The following HOMER2 variants were observed in gnomAD, a reference collection of about 807,000 sequenced individuals.
HOMER2 encodes homer protein homolog 2.
Under a neutral mutation model 47.0 loss-of-function variants are expected in HOMER2, and 27 were observed. That is an observed-to-expected ratio of 0.57 (90% CI 0.42 to 0.79). The LOEUF (loss-of-function observed/expected upper bound fraction) is 0.79, where lower values mean the gene tolerates loss of function less well. Among genes scored for constraint, HOMER2 ranks in the 30% least tolerant of loss-of-function variants. The probability of loss-of-function intolerance (pLI) is 0.00; values close to 1 mark genes in which losing one functional copy is unlikely to be tolerated. For synonymous variants in HOMER2, 161 were observed against 163.8 expected, an observed-to-expected ratio of 0.98 and a Z score of 0.13; for missense variants, 443 against 435.0, an observed-to-expected ratio of 1.02 and a Z score of -0.16.
intron 1 of HOMER2, among the ~76,000 whole-genome samples, chr15:82,936,302 C>T (rs1478758097): frequency 1.3e-5 from 2 of 152,178 alleles, no homozygotes; most frequent in Non-Finnish European, 2.9e-5. Context: ...CCCTCTGGCA[C>T]TAAGCACAAC....
At chr15:82,940,991 G>A (rs1474126600) in intron 1 of HOMER2, among the ~76,000 whole-genome samples, 2 of 152,050 alleles carry the variant, frequency 1.3e-5, no homozygotes, top group Non-Finnish European at 2.9e-5. Context: ...CCTAGAAGCT[G>A]CCTCAGATCC....
chr15:82,910,041 G>A (rs180949425), intron 1 of HOMER2, among the ~76,000 whole-genome samples: 7 of 145,562 alleles, frequency 4.8e-5, no homozygotes, highest in South Asian at 4.4e-4. Flanking sequence ...GCTGAGGCAG[G>A]AGAATCGCTT....
At chr15:82,902,719 T>G (rs979091377) in intron 1 of HOMER2, among the ~76,000 whole-genome samples, 1 of 152,180 alleles carries the variant, frequency 6.6e-6, no homozygotes, top group Non-Finnish European at 1.5e-5. Context: ...GGGTATGACT[T>G]GGAAACATTA....
chr15:82,850,573 T>C (rs1045217463), intron 8 of HOMER2, among the ~76,000 whole-genome samples: 3 of 152,328 alleles, frequency 2.0e-5, no homozygotes, highest in Admixed American at 2.0e-4. Context: ...TCATATCAAA[T>C]AAGAGCTTTA....
At chr15:82,871,519 G>C (rs188512817) in intron 3 of HOMER2, among the ~76,000 whole-genome samples, 11 of 152,304 alleles carry the variant, frequency 7.2e-5, no homozygotes, top group Admixed American at 4.6e-4. Context: ...CTCACTTCAT[G>C]ATAATTTATC....
upstream of HOMER2, chr15:82,986,062 A>C: frequency 1.0e-6 from 1 of 985,548 alleles, no homozygotes; most frequent in Non-Finnish European, 1.2e-6. Flanking sequence ...CCACCTTTAG[A>C]CAGCTACTTG....
intron 1 of HOMER2, chr15:82,952,027 T>TTCCA: frequency 2.0e-6 from 2 of 983,920 alleles, no homozygotes. Context: ...CCTTATAGAC[T>TTCCA]TCCATCATCT....
intron 1 of HOMER2, among the ~76,000 whole-genome samples, chr15:82,948,973 G>C (rs914923790): frequency 3.9e-5 from 6 of 152,342 alleles, no homozygotes; most frequent in Non-Finnish European, 8.8e-5. Flanking sequence ...GGCTAGAGTG[G>C]GAACTATGGC....
chr15:82,850,147 C>A (rs553378897), intron 8 of HOMER2, among the ~76,000 whole-genome samples: 1 of 152,352 alleles, frequency 6.6e-6, no homozygotes, highest in South Asian at 2.1e-4. Flanking sequence ...CAACACCCAG[C>A]CTGAAAACCC....
chr15:82,891,629 C>T (rs2052709235), intron 2 of HOMER2, among the ~76,000 whole-genome samples: 2 of 152,150 alleles, frequency 1.3e-5, no homozygotes, highest in Admixed American at 1.3e-4. Flanking sequence ...CCCCACTCCC[C>T]TGCTTCCTGT....
intron 2 of HOMER2, among the ~76,000 whole-genome samples, chr15:82,880,380 C>T (rs1294784807): frequency 6.6e-6 from 1 of 152,208 alleles, no homozygotes; most frequent in African/African-American, 2.4e-5. Flanking sequence ...ATGCTTAATA[C>T]ACTCTTAATA....
intron 4 of HOMER2, among the ~76,000 whole-genome samples, chr15:82,863,067 T>G (rs1176967199): frequency 5.3e-5 from 8 of 152,150 alleles, no homozygotes. Context: ...TGCTTCTTTG[T>G]GCACCCGAGA....
rs1353879021 is a variant in HOMER2, at chr15:82,888,884, G to A, written c.162+3801C>T. On this transcript the variant is annotated intron_variant, in intron 2 of 8. Transcript: ENST00000450735. ...TCGCTCACGCTGGGAGCTGTAGACC[G>A]GAGCTGTTCCTATTCGGCCATCTTG... is the stretch of plus-strand genomic sequence containing the variant. Among the ~76,000 whole-genome samples the A allele has an allele frequency of 8.8e-5, 13 of 148,482 alleles. 6 individuals are homozygous for A. The highest frequency in any genetic ancestry group is 1.9e-4 in the Non-Finnish European group (13 of 67,204).
intron 1 of HOMER2, among the ~76,000 whole-genome samples, chr15:82,943,112 T>C (rs1173496768): frequency 2.0e-5 from 3 of 152,220 alleles, no homozygotes. Flanking sequence ...GTGGTAATGA[T>C]AATGATGATA....
intron 1 of HOMER2, among the ~76,000 whole-genome samples, chr15:82,977,398 CTGAT>C (rs547715596): frequency 3.5e-4 from 53 of 152,278 alleles, no homozygotes; most frequent in Admixed American, 3.1e-3. Context: ...CACCTTCATT[CTGAT>C]TAACTTTCTT....
downstream of HOMER2, chr15:82,846,508 G>A (rs574693015): frequency 6.6e-6 from 1 of 152,278 alleles, no homozygotes; most frequent in Non-Finnish European, 1.5e-5. Context: ...GCACCCACGG[G>A]TCACCAAAGG....
chr15:82,875,319 T>C lies in HOMER2; in HGVS notation c.248A>G (p.Asn83Ser). Residue 83 changes from asparagine to serine, a missense_variant, in exon 3 of 9, where the codon AAC (asparagine) becomes AGC (serine). Physicochemically the swap from Asn to Ser is conservative, Grantham distance 46. Coordinates refer to ENST00000450735, the MANE Select transcript of HOMER2 (RefSeq NM_004839.4). ...GGAAAACCCCAAACCAAACACTGTG[T>C]TGGCTCTGCTGTCGGCCCACTGCCC... ...KFGQWADSRA[N>S]TVFGLGFSSE... 1 of 1,613,934 alleles carries C rather than the reference T, an allele frequency of 6.2e-7. No homozygotes were observed. Among genetic ancestry groups the C allele is most frequent in the Non-Finnish European group, 8.5e-7 (1 of 1,179,888 alleles).
At chr15:82,928,939 C>CAAAAAAAAAAAAAAAAAAAAAAAAAAAAA (rs1596362215) in intron 1 of HOMER2, among the ~76,000 whole-genome samples, 3 of 18,696 alleles carry the variant, frequency 1.6e-4, no homozygotes, top group African/African-American at 1.8e-3. Context: ...AAAATAAAAA[C>CAAAAAAAAAAAAAAAAAAAAAAAAAAAAA]TAAAAAAAAA....
At chr15:82,924,183 C>T (rs917389136) in intron 1 of HOMER2, among the ~76,000 whole-genome samples, 4 of 152,162 alleles carry the variant, frequency 2.6e-5, no homozygotes, top group African/African-American at 9.7e-5. Flanking sequence ...ATTCTCCCGT[C>T]ACTCTGGAGT....
Sources: gnomAD v4.1 joint callset for allele counts (sites outside exome capture counted in the v4.1 genomes callset) on GRCh38, gnomAD v4.1.1 for gene constraint, MANE v1.5 for transcripts, NCBI Gene and HGNC (gene_info 2026-07-23, HGNC 2026-07-21) for gene names.